The following LRRTM4 variants were observed in gnomAD, a reference collection of about 807,000 sequenced individuals.
The protein encoded by LRRTM4 is leucine rich repeat transmembrane neuronal 4.
LRRTM4 carries 25 observed loss-of-function variants against 47.6 expected under a neutral mutation model. That is an observed-to-expected ratio of 0.53 (90% CI 0.38 to 0.73). LRRTM4 has a LOEUF of 0.73. Ranked by LOEUF, LRRTM4 falls within the 30% of genes least tolerant of loss-of-function variation. The pLI, the probability that LRRTM4 is intolerant of heterozygous loss-of-function variation, is 0.00. For synonymous variants in LRRTM4, 311 were observed against 269.5 expected, an observed-to-expected ratio of 1.15 and a Z score of -1.51; for missense variants, 638 against 713.4, an observed-to-expected ratio of 0.89 and a Z score of 1.20.
At chr2:77,492,591 A>G (rs545015304) in intron 3 of LRRTM4, among the ~76,000 whole-genome samples, 30 of 152,256 alleles carry the variant, frequency 2.0e-4, no homozygotes, top group Middle Eastern at 3.4e-3. Flanking sequence ...GCTATTTCCA[A>G]GAGACACACA....
chr2:76,973,368 T>A (rs1314217740), intron 3 of LRRTM4, among the ~76,000 whole-genome samples: 1 of 152,054 alleles, frequency 6.6e-6, no homozygotes, highest in Admixed American at 6.6e-5. Flanking sequence ...TGTCTATTTT[T>A]AAAAAATATT....
chr2:76,804,012 G>GT (rs1675837438), intron 3 of LRRTM4, among the ~76,000 whole-genome samples: 1 of 152,178 alleles, frequency 6.6e-6, no homozygotes, highest in Non-Finnish European at 1.5e-5. Flanking sequence ...GAGGAATTAA[G>GT]CACTTTCTGT....
intron 3 of LRRTM4, among the ~76,000 whole-genome samples, chr2:77,107,969 T>C (rs556706927): frequency 1.2e-4 from 19 of 152,176 alleles, no homozygotes; most frequent in African/African-American, 3.4e-4. Flanking sequence ...TTAGATATGA[T>C]GAAGTTTTGC....
chr2:77,068,029 A>C (rs887156203), intron 3 of LRRTM4, among the ~76,000 whole-genome samples: 2 of 152,176 alleles, frequency 1.3e-5, no homozygotes, highest in Non-Finnish European at 2.9e-5. Flanking sequence ...ATTAAAAGTT[A>C]TAAATTAATA....
chr2:77,428,434 T>A (rs1675213987), intron 3 of LRRTM4, among the ~76,000 whole-genome samples: 1 of 152,220 alleles, frequency 6.6e-6, no homozygotes, highest in African/African-American at 2.4e-5. Context: ...ATGTTCTTAT[T>A]TTTTATTATT....
At chr2:76,850,529 C>T (rs145494634) in intron 3 of LRRTM4, among the ~76,000 whole-genome samples, 8 of 152,298 alleles carry the variant, frequency 5.3e-5, no homozygotes, top group Non-Finnish European at 8.8e-5. Flanking sequence ...TCCCCTGTTA[C>T]TGCAGAGATT....
At chr2:77,480,822 GGAGAGAGA>G (rs67377276) in intron 3 of LRRTM4, among the ~76,000 whole-genome samples, 28 of 74,518 alleles carry the variant, frequency 3.8e-4, no homozygotes, top group African/African-American at 9.2e-4. Context: ...GTGTGTGTGT[GGAGAGAGA>G]GAGAGAGAGA....
At chr2:77,277,320 A>G (rs1178550937) in intron 3 of LRRTM4, among the ~76,000 whole-genome samples, 2 of 152,010 alleles carry the variant, frequency 1.3e-5, no homozygotes, top group African/African-American at 2.4e-5. Flanking sequence ...ATAAGTTTTA[A>G]CTATTCTCTT....
At chr2:77,068,494 A>T (rs1680035796) in intron 3 of LRRTM4, among the ~76,000 whole-genome samples, 1 of 152,188 alleles carries the variant, frequency 6.6e-6, no homozygotes. Flanking sequence ...ACAACCATGA[A>T]TCTCCTTTCT....
At chr2:77,070,328 T>G (rs563268489) in intron 3 of LRRTM4, among the ~76,000 whole-genome samples, 41 of 152,250 alleles carry the variant, frequency 2.7e-4, no homozygotes, top group African/African-American at 8.4e-4. Flanking sequence ...GACAAACTTT[T>G]GCCAGTTTTT....
At chr2:77,379,011 G>T (rs772895675) in intron 3 of LRRTM4, among the ~76,000 whole-genome samples, 2 of 151,946 alleles carry the variant, frequency 1.3e-5, no homozygotes, top group African/African-American at 2.4e-5. Flanking sequence ...GTTGTCATTT[G>T]TCCATAATTG....
In LRRTM4 at chr2:77,226,538, CATAT is replaced by C. The variant is rs60188707; in HGVS notation, c.1551+291776_1551+291779del. On this transcript the variant is annotated intron_variant, in intron 3 of 3. Coordinates refer to ENST00000409884, the MANE Select transcript of LRRTM4 (RefSeq NM_001134745.3). ...TGCTTATTACAGAGCAAATTATATA[CATAT>C]ATATATATATATATATATATATATA... Among the ~76,000 whole-genome samples the C allele has an allele frequency of 6.7e-3, 968 of 144,078 alleles. 20 individuals are homozygous for C. The highest frequency in any genetic ancestry group is 0.053 in the East Asian group (264 of 4,962). The allele number at this position is 144,078 out of a possible 152,430, so 94.5% of individuals were successfully genotyped here.
chr2:77,307,548 T>C (rs1292388586), intron 3 of LRRTM4, among the ~76,000 whole-genome samples: 1 of 137,630 alleles, frequency 7.3e-6, no homozygotes, highest in Non-Finnish European at 1.5e-5. Flanking sequence ...TATATCTATA[T>C]ATTATAGAAA....
At chr2:77,215,878 T>G (rs1391702936) in intron 3 of LRRTM4, among the ~76,000 whole-genome samples, 1 of 152,194 alleles carries the variant, frequency 6.6e-6, no homozygotes. Flanking sequence ...ATAATGAGTA[T>G]ATGTTTATAA....
At chr2:76,829,743 T>C (rs1018163003) in intron 3 of LRRTM4, among the ~76,000 whole-genome samples, 11 of 152,050 alleles carry the variant, frequency 7.2e-5, no homozygotes, top group African/African-American at 2.7e-4. Flanking sequence ...GCCTTCAGAA[T>C]GTACAAGCAA....
At chr2:77,400,327 T>C (rs1673899700) in intron 3 of LRRTM4, among the ~76,000 whole-genome samples, 2 of 151,844 alleles carry the variant, frequency 1.3e-5, no homozygotes, top group African/African-American at 4.8e-5. Flanking sequence ...AGCTGAGTAA[T>C]TGGCCCTACA....
chr2:77,192,086 C>CA (rs936184129), intron 3 of LRRTM4, among the ~76,000 whole-genome samples: 48 of 152,000 alleles, frequency 3.2e-4, no homozygotes, highest in African/African-American at 1.1e-3. Context: ...TAAAAATTGG[C>CA]AAAAAATCAA....
chr2:76,901,925 T>C (rs1673651206), intron 3 of LRRTM4, among the ~76,000 whole-genome samples: 2 of 152,304 alleles, frequency 1.3e-5, no homozygotes, highest in South Asian at 2.1e-4. Flanking sequence ...CCATATATAA[T>C]CTTAATTCCT....
intron 3 of LRRTM4, among the ~76,000 whole-genome samples, chr2:77,227,761 T>G (rs1406623914): frequency 6.6e-6 from 1 of 152,142 alleles, no homozygotes; most frequent in Non-Finnish European, 1.5e-5. Flanking sequence ...ATTTATCAAT[T>G]ATGTTGTGCA....
Sources: gnomAD v4.1 joint callset for allele counts (sites outside exome capture counted in the v4.1 genomes callset) on GRCh38, gnomAD v4.1.1 for gene constraint, MANE v1.5 for transcripts, NCBI Gene and HGNC (gene_info 2026-07-23, HGNC 2026-07-21) for gene names.